SCD5: variants seen among roughly 807,000 people sequenced by gnomAD.
SCD5 encodes the protein stearoyl-CoA desaturase 5.
In SCD5, 20 loss-of-function variants were observed where a neutral mutation model predicts 30.4. The observed-to-expected ratio is 0.66, with a 90% CI of 0.46 to 0.96. SCD5 has a LOEUF of 0.96. Ranked by LOEUF, SCD5 falls within the 40% of genes least tolerant of loss-of-function variation. The pLI, the probability that SCD5 is intolerant of heterozygous loss-of-function variation, is 0.00. For missense variants in SCD5, 381 were observed against 443.3 expected (o/e 0.86, Z 1.26); for synonymous variants, 173 against 176.4 (o/e 0.98, Z 0.16).
Position 82,636,647 on chromosome 4 carries a change from G to A in SCD5, c.746C>T (p.Pro249Leu), listed in dbSNP as rs1727437588. The A allele has an allele frequency of 1.2e-6, 2 of 1,614,152 alleles. No individual in the cohort carries two copies. Among genetic ancestry groups the A allele is most frequent in the East Asian group, 4.5e-5 (2 of 44,884 alleles). Residue 249 changes from proline to leucine, a missense_variant, in exon 4 of 5, where the codon CCC becomes CTC. Transcript: ENST00000319540. ...NSAAHMYGNR[P>L]YDKHISPRQN... Reference sequence around the variant, plus strand: ...CCGAGGGCTGATGTGCTTGTCATAGGGCCGGTTTCCATACATGTGGGCGGC... The same window carrying A: ...CCGAGGGCTGATGTGCTTGTCATAGAGCCGGTTTCCATACATGTGGGCGGC...
chr4:82,722,053 C>A (rs936688618), intron 1 of SCD5, among the ~76,000 whole-genome samples: 10 of 152,170 alleles, frequency 6.6e-5, no homozygotes, highest in Admixed American at 2.6e-4. Flanking sequence ...GTGACAGTGC[C>A]TTATGGAACT....
At chr4:82,690,454 T>C (rs17006116) in intron 2 of SCD5, among the ~76,000 whole-genome samples, 8,935 of 152,292 alleles carry the variant, frequency 0.059, 406 homozygotes, top group African/African-American at 0.13. Flanking sequence ...AAAAATTTCA[T>C]GGGCACTCTT....
At chr4:82,739,010 C>T (rs1720814355) in intron 1 of SCD5, among the ~76,000 whole-genome samples, 1 of 152,164 alleles carries the variant, frequency 6.6e-6, no homozygotes, top group Admixed American at 6.5e-5. Context: ...TGATTTGTAG[C>T]AAACTGTAAT....
intron 1 of SCD5, among the ~76,000 whole-genome samples, chr4:82,707,198 C>T (rs1719988620): frequency 6.6e-6 from 1 of 152,120 alleles, no homozygotes; most frequent in Non-Finnish European, 1.5e-5. Flanking sequence ...ATGGGTAATG[C>T]CAAATACTTT....
At chr4:82,776,539 G>C (rs570728451) in intron 1 of SCD5, among the ~76,000 whole-genome samples, 1 of 152,290 alleles carries the variant, frequency 6.6e-6, no homozygotes, top group Admixed American at 6.5e-5. Flanking sequence ...GGAAAGGCAT[G>C]ACCTGGACAG....
rs905651897 is a variant in SCD5 at position 82,675,867 on chromosome 4, G to A, written c.569+4840C>T. ...ATGACAAATCGCTCTGCTTAAGGCA[G>A]AACAACTGTGTGGCTATGGCAGAGA... On this transcript the variant is annotated intron_variant, in intron 3 of 4. Transcript: ENST00000319540. Among the ~76,000 whole-genome samples, 6 of 152,230 alleles carry A rather than the reference G, an allele frequency of 3.9e-5. No individual in the cohort carries two copies. In the East Asian group the frequency reaches 1.2e-3, roughly 29 times the overall value.
intron 1 of SCD5, among the ~76,000 whole-genome samples, chr4:82,742,092 A>AG (rs1356134362): frequency 6.6e-6 from 1 of 152,080 alleles, no homozygotes; most frequent in East Asian, 1.9e-4. Flanking sequence ...AAAAAAAAAA[A>AG]AAGAAAGATG....
intron 2 of SCD5, among the ~76,000 whole-genome samples, chr4:82,702,856 G>T (rs1236223976): frequency 1.3e-5 from 2 of 152,224 alleles, no homozygotes; most frequent in Admixed American, 6.5e-5. Context: ...ATAGGGTTAA[G>T]TGGTTTAAAT....
At chr4:82,755,104 T>C (rs1034062333) in intron 1 of SCD5, among the ~76,000 whole-genome samples, 8 of 112,452 alleles carry the variant, frequency 7.1e-5, no homozygotes, top group African/African-American at 2.4e-4. Flanking sequence ...ACTATGCAGC[T>C]AACAAGAAGA....
intron 4 of SCD5, 99 bp downstream of exon 4, chr4:82,636,492 C>G (rs1727433373): frequency 2.3e-6 from 2 of 881,124 alleles, no homozygotes; most frequent in African/African-American, 1.7e-5. Flanking sequence ...AACTCCATTC[C>G]ACTCCACTGC....
At chr4:82,693,655 G>A (rs1719615612) in intron 2 of SCD5, among the ~76,000 whole-genome samples, 1 of 152,192 alleles carries the variant, frequency 6.6e-6, no homozygotes, top group East Asian at 1.9e-4. Flanking sequence ...GAACACCCCT[G>A]GGGTGAGAGG....
chr4:82,680,968 C>T, intron 2 of SCD5, 56 bp from the exon 3 acceptor site: 15 of 1,522,518 alleles, frequency 9.9e-6, no homozygotes, highest in Non-Finnish European at 1.3e-5. Flanking sequence ...CGAGCATCCT[C>T]CTGGGAAGCT....
intron 3 of SCD5, among the ~76,000 whole-genome samples, chr4:82,664,302 C>T (rs991895682): frequency 6.6e-6 from 1 of 152,224 alleles, no homozygotes; most frequent in Non-Finnish European, 1.5e-5. Context: ...ACCCCAACCT[C>T]TTCCACCCAC....
intron 3 of SCD5, among the ~76,000 whole-genome samples, chr4:82,658,881 A>G (rs926968313): frequency 2.0e-5 from 3 of 151,152 alleles, no homozygotes; most frequent in Non-Finnish European, 4.4e-5. Flanking sequence ...CTCTTTTTCT[A>G]TTGTTTGGAA....
At chr4:82,752,331 C>T (rs1407406533) in intron 1 of SCD5, among the ~76,000 whole-genome samples, 1 of 151,118 alleles carries the variant, frequency 6.6e-6, no homozygotes, top group Non-Finnish European at 1.5e-5. Flanking sequence ...AAAATGGTGT[C>T]TGTGGCTCTT....
intron 1 of SCD5, among the ~76,000 whole-genome samples, chr4:82,781,823 G>A (rs1190246093): frequency 2.0e-5 from 3 of 152,130 alleles, no homozygotes; most frequent in African/African-American, 7.2e-5. Flanking sequence ...TATGGAAAAT[G>A]AATTTCTGTT....
At chr4:82,786,270 A>G (rs1419011224) in intron 1 of SCD5, among the ~76,000 whole-genome samples, 1 of 151,860 alleles carries the variant, frequency 6.6e-6, no homozygotes, top group Non-Finnish European at 1.5e-5. Flanking sequence ...GTTAAGGAGG[A>G]GGGTGCTATT....
chr4:82,752,354 G>A (rs898615441), intron 1 of SCD5, among the ~76,000 whole-genome samples: 9 of 151,844 alleles, frequency 5.9e-5, no homozygotes, highest in Non-Finnish European at 1.3e-4. Context: ...TGAGGTGGAA[G>A]CACAGGGACG....
intron 1 of SCD5, among the ~76,000 whole-genome samples, chr4:82,741,743 G>A (rs968415372): frequency 2.0e-5 from 3 of 150,872 alleles, no homozygotes; most frequent in Non-Finnish European, 2.9e-5. Flanking sequence ...CTACATGACT[G>A]TGAAACAGAC....
Sources: gnomAD v4.1 joint callset for allele counts (sites outside exome capture counted in the v4.1 genomes callset) on GRCh38, gnomAD v4.1.1 for gene constraint, MANE v1.5 for transcripts, NCBI Gene and HGNC (gene_info 2026-07-23, HGNC 2026-07-21) for gene names.